The following PCDHA5 variants were observed in gnomAD, a reference collection of about 807,000 sequenced individuals.
PCDHA5 encodes the protein protocadherin alpha 5, also known as protocadherin alpha-5.
A neutral mutation model predicts 61.6 loss-of-function variants in PCDHA5; 43 were observed. The observed-to-expected ratio is 0.70, with a 90% confidence interval of 0.55 to 0.90. PCDHA5 has a LOEUF of 0.90. Among genes scored for constraint, PCDHA5 ranks in the 40% least tolerant of loss-of-function variants. The pLI is 0.00. For missense variants in PCDHA5, 1,298 were observed against 1,222.7 expected (o/e 1.06, Z -0.92); for synonymous variants, 627 against 543.9 (o/e 1.15, Z -2.13).
At chr5:140,935,616 C>T (rs1247673748) in intron 1 of PCDHA5, among the ~76,000 whole-genome samples, 13 of 151,976 alleles carry the variant, frequency 8.6e-5, no homozygotes, top group African/African-American at 3.1e-4. Flanking sequence ...TTTTTCAAGT[C>T]GCTTTCAAAT....
chr5:140,941,960 A>G (rs569784391), intron 1 of PCDHA5, among the ~76,000 whole-genome samples: 6 of 152,354 alleles, frequency 3.9e-5, no homozygotes, highest in African/African-American at 1.4e-4. Flanking sequence ...AAACAATAGT[A>G]TCTTTACTTT....
At chr5:140,842,634 C>A (rs2150340944) in intron 1 of PCDHA5, 1 of 1,589,836 alleles carries the variant, frequency 6.3e-7, no homozygotes, top group Admixed American at 1.7e-5. Context: ...CTGTGGGCCA[C>A]CGCCAGCTTG....
intron 1 of PCDHA5, among the ~76,000 whole-genome samples, chr5:140,973,831 C>T (rs1212841510): frequency 1.3e-5 from 2 of 152,214 alleles, no homozygotes; most frequent in African/African-American, 4.8e-5. Flanking sequence ...GTTCTGGGTA[C>T]TTGCTTGTTG....
intron 1 of PCDHA5, among the ~76,000 whole-genome samples, chr5:140,938,974 G>T (rs534312375): frequency 6.6e-6 from 1 of 152,230 alleles, no homozygotes; most frequent in Non-Finnish European, 1.5e-5. Context: ...TGGCATCAAG[G>T]CTATCCTGGC....
chr5:140,845,311 A>G (rs1384736573), intron 1 of PCDHA5, among the ~76,000 whole-genome samples: 1 of 149,364 alleles, frequency 6.7e-6, no homozygotes, highest in Non-Finnish European at 1.5e-5. Flanking sequence ...CCTGGTTCTC[A>G]GGTATTACTT....
chr5:140,850,035 A>G, intron 1 of PCDHA5: 1 of 1,596,458 alleles, frequency 6.3e-7, no homozygotes, highest in Non-Finnish European at 8.6e-7. Flanking sequence ...GCACGCGGAG[A>G]GCGGCAAGGT....
At chr5:140,844,694 T>C (rs2150373280) in intron 1 of PCDHA5, among the ~76,000 whole-genome samples, 1 of 149,782 alleles carries the variant, frequency 6.7e-6, no homozygotes, top group Admixed American at 6.7e-5. Context: ...ATACAGAATA[T>C]TTGGGATTAT....
chr5:140,982,705 T>A, intron 3 of PCDHA5, 142 bp downstream of exon 3: 1 of 1,376,850 alleles, frequency 7.3e-7, no homozygotes, highest in Non-Finnish European at 9.5e-7. Flanking sequence ...CATGATTTCC[T>A]TACATATATG....
intron 1 of PCDHA5, among the ~76,000 whole-genome samples, chr5:140,973,118 G>T (rs1554234897): frequency 1.3e-5 from 2 of 152,168 alleles, no homozygotes; most frequent in Non-Finnish European, 2.9e-5. Context: ...TAGCAGAGAT[G>T]AATTAAGTTT....
Position 140,822,072 on chromosome 5 carries a change from G to A in PCDHA5, c.297G>A (p.Ala99=), listed in dbSNP as rs950776506. 4 of 1,614,228 alleles carry A rather than the reference G, an allele frequency of 2.5e-6. No homozygotes were observed. The highest frequency in any genetic ancestry group is 1.3e-5 in the African/African-American group (1 of 75,078). ...IDREELCRRR[A]ECSIHLEVIV... is the part of the protein sequence containing the mutation. ...GGGAGGAGCTGTGCCGGCGGAGGGC[G>A]GAGTGCAGCATCCACCTGGAGGTGA... Residue 99 remains alanine (A), a synonymous_variant, in exon 1 of 4, where the codon GCG becomes GCA. Transcript: ENST00000529859.
chr5:140,833,980 C>G (rs2150212717), intron 1 of PCDHA5, among the ~76,000 whole-genome samples: 4 of 152,216 alleles, frequency 2.6e-5, no homozygotes, highest in African/African-American at 9.6e-5. Context: ...AAAAGTTTTT[C>G]TAAGGCATGA....
chr5:140,875,929 C>T (rs1554168093), intron 1 of PCDHA5: 4 of 1,614,154 alleles, frequency 2.5e-6, no homozygotes, highest in East Asian at 2.2e-5. Context: ...CTCTCATTTT[C>T]CTCTAGAGGG....
At chr5:140,971,221 G>A (rs1234658755) in intron 1 of PCDHA5, among the ~76,000 whole-genome samples, 1 of 152,082 alleles carries the variant, frequency 6.6e-6, no homozygotes, top group East Asian at 1.9e-4. Flanking sequence ...TCCCTCTCCT[G>A]ACTCAAAGCT....
intron 1 of PCDHA5, chr5:140,861,372 A>G (rs2046882996): frequency 8.6e-5 from 35 of 407,054 alleles, no homozygotes; most frequent in South Asian, 7.5e-4. Context: ...CGCGGTCCCT[A>G]TTGCGCAGGA....
intron 1 of PCDHA5, chr5:140,857,557 G>A: frequency 6.3e-7 from 1 of 1,596,936 alleles, no homozygotes; most frequent in Non-Finnish European, 8.6e-7. Flanking sequence ...AGCGCTCGCT[G>A]TCGAGCTACG....
At chr5:140,864,869 A>G (rs2048638117) in intron 1 of PCDHA5, 1 of 152,160 alleles carries the variant, frequency 6.6e-6, no homozygotes, top group South Asian at 2.1e-4. Context: ...GGGTGATACC[A>G]TTGTCTGTGT....
At chr5:140,911,339 A>G (rs2075428336) in intron 1 of PCDHA5, among the ~76,000 whole-genome samples, 1 of 152,042 alleles carries the variant, frequency 6.6e-6, no homozygotes, top group Non-Finnish European at 1.5e-5. Flanking sequence ...TTTCCAATCA[A>G]TGCCCTCATT....
In PCDHA5 at chr5:140,842,738, C is replaced by T. The variant is rs1470514973; in HGVS notation, c.2352+18611C>T. The T allele has an allele frequency of 6.3e-7, 1 of 1,594,924 alleles. No homozygotes were observed. The highest frequency in any genetic ancestry group is 8.6e-7 in the Non-Finnish European group (1 of 1,165,426). ...GAAGGAGAACAACCCGCCGGGCTGCCACATCTTCACGGTGTCTGCGCGAGA... is the reference window on the plus strand; with the variant it reads ...GAAGGAGAACAACCCGCCGGGCTGCTACATCTTCACGGTGTCTGCGCGAGA... On this transcript the variant is annotated intron_variant, in intron 1 of 3. Coordinates refer to ENST00000529859, the MANE Select transcript of PCDHA5 (RefSeq NM_018908.3).
intron 1 of PCDHA5, chr5:140,836,038 A>T: frequency 1.2e-6 from 2 of 1,613,428 alleles, no homozygotes; most frequent in Non-Finnish European, 1.7e-6. Flanking sequence ...GTGACGCTGC[A>T]GGTGTTCGTG....
Sources: gnomAD v4.1 joint callset for allele counts (sites outside exome capture counted in the v4.1 genomes callset) on GRCh38, gnomAD v4.1.1 for gene constraint, MANE v1.5 for transcripts, NCBI Gene and HGNC (gene_info 2026-07-23, HGNC 2026-07-21) for gene names.